Variants in SNX13 observed in about 807,000 individuals in gnomAD.
The protein encoded by SNX13 is sorting nexin-13.
In SNX13, 45 loss-of-function variants were observed where a neutral mutation model predicts 133.6. The observed-to-expected ratio is 0.34, with a 90% confidence interval of 0.27 to 0.43. The LOEUF (loss-of-function observed/expected upper bound fraction) is 0.43, where lower values mean the gene tolerates loss of function less well. Ranked by LOEUF, SNX13 falls within the 20% of genes least tolerant of loss-of-function variation. The probability of loss-of-function intolerance (pLI) is 1.00; values close to 1 mark genes in which losing one functional copy is unlikely to be tolerated. For missense variants in SNX13, 1,032 were observed against 1,145.1 expected (o/e 0.90, Z 1.43); for synonymous variants, 414 against 373.9 (o/e 1.11, Z -1.24).
At chr7:17,833,421 A>G (rs1194935982) in intron 15 of SNX13, among the ~76,000 whole-genome samples, 3 of 151,724 alleles carry the variant, frequency 2.0e-5, no homozygotes, top group African/African-American at 7.2e-5. Context: ...GGCTTGAAGA[A>G]TTTAAGCAGT....
At chr7:17,857,097 C>T (rs1437612938) in intron 9 of SNX13, among the ~76,000 whole-genome samples, 3 of 151,966 alleles carry the variant, frequency 2.0e-5, no homozygotes, top group South Asian at 2.1e-4. Flanking sequence ...TCATCAGAGA[C>T]CATTATAAAT....
chr7:17,801,011 TATA>T (rs1784554768), intron 22 of SNX13, among the ~76,000 whole-genome samples: 223 of 13,256 alleles, frequency 0.017, 14 homozygotes, highest in African/African-American at 0.023. Flanking sequence ...AAACTGAACA[TATA>T]TATATATATA....
intron 18 of SNX13, among the ~76,000 whole-genome samples, chr7:17,818,107 G>A (rs999550571): frequency 1.3e-5 from 2 of 152,092 alleles, no homozygotes; most frequent in Non-Finnish European, 2.9e-5. Context: ...GTAGGGACAT[G>A]GCAAGAACCC....
chr7:17,872,787 A>G (rs1224930680), intron 8 of SNX13, among the ~76,000 whole-genome samples: 2 of 152,204 alleles, frequency 1.3e-5, no homozygotes, highest in Non-Finnish European at 2.9e-5. Context: ...GGAAAATTCA[A>G]AACTTTTCAC....
chr7:17,805,242 T>TGCGCGC (rs1429340429), intron 20 of SNX13, among the ~76,000 whole-genome samples: 1 of 109,430 alleles, frequency 9.1e-6, no homozygotes, highest in Non-Finnish European at 2.1e-5. Context: ...TGTGTGTGTG[T>TGCGCGC]GTGTGTGTGC....
intron 13 of SNX13, among the ~76,000 whole-genome samples, chr7:17,836,072 C>T (rs991360195): frequency 7.9e-5 from 12 of 151,918 alleles, no homozygotes; most frequent in Admixed American, 2.0e-4. Flanking sequence ...TCATATTTTA[C>T]GTTTATTTAA....
chr7:17,795,992 GA>G (rs941313699), intron 25 of SNX13: 15 of 151,516 alleles, frequency 9.9e-5, no homozygotes, highest in African/African-American at 3.1e-4. Flanking sequence ...CAAAATTAGA[GA>G]AAAAAATTGG....
At chr7:17,903,461 C>T (rs1452875391) in intron 1 of SNX13, among the ~76,000 whole-genome samples, 2 of 152,164 alleles carry the variant, frequency 1.3e-5, no homozygotes, top group African/African-American at 4.8e-5. Context: ...TCAAAAACTA[C>T]AGACTTAGGA....
intron 1 of SNX13, among the ~76,000 whole-genome samples, chr7:17,934,865 C>A (rs1009506892): frequency 6.6e-6 from 1 of 151,758 alleles, no homozygotes; most frequent in African/African-American, 2.4e-5. Context: ...TGGCTATAAT[C>A]AAAAAAATGA....
intron 5 of SNX13, chr7:17,888,809 G>A: frequency 2.2e-6 from 1 of 458,316 alleles, no homozygotes; most frequent in Non-Finnish European, 4.5e-6. Flanking sequence ...CACAGAACAG[G>A]GCAGTTATTA....
At chr7:17,869,879 GACACAC>G (rs10569996) in intron 8 of SNX13, among the ~76,000 whole-genome samples, 5 of 149,394 alleles carry the variant, frequency 3.3e-5, no homozygotes, top group South Asian at 2.1e-4. Context: ...CACACACACA[GACACAC>G]ACACACACAC....
At chr7:17,882,216 A>G (rs912892132) in intron 5 of SNX13, 1 of 152,166 alleles carries the variant, frequency 6.6e-6, no homozygotes, top group Non-Finnish European at 1.5e-5. Context: ...GAGCTGGAGT[A>G]GGCAAACAAT....
At chr7:17,915,774 C>T (rs976648693) in intron 1 of SNX13, among the ~76,000 whole-genome samples, 1 of 152,158 alleles carries the variant, frequency 6.6e-6, no homozygotes, top group Non-Finnish European at 1.5e-5. Context: ...CCAAAAAATC[C>T]TTAAGTTAAT....
At chr7:17,802,123 C>A (rs1784710366) in intron 21 of SNX13, among the ~76,000 whole-genome samples, 2 of 151,914 alleles carry the variant, frequency 1.3e-5, no homozygotes, top group African/African-American at 4.8e-5. Flanking sequence ...CAGTAGCATA[C>A]TGTAAAGGTT....
At chr7:17,893,972 A>G (rs1235099033) in intron 2 of SNX13, among the ~76,000 whole-genome samples, 1 of 45,576 alleles carries the variant, frequency 2.2e-5, no homozygotes, top group Admixed American at 2.0e-4. Context: ...ACTGTCTCGA[A>G]AAAAAAAAAA....
intron 19 of SNX13, 117 bp from the exon 20 acceptor site, chr7:17,815,061 T>C (rs1422624253): frequency 5.2e-6 from 6 of 1,149,364 alleles, no homozygotes; most frequent in Non-Finnish European, 6.7e-6. Flanking sequence ...AAAATATTGA[T>C]TTATATTTTT....
chr7:17,841,693 A>G (rs1472224263), intron 12 of SNX13, among the ~76,000 whole-genome samples: 2 of 151,938 alleles, frequency 1.3e-5, no homozygotes, highest in Non-Finnish European at 1.5e-5. Context: ...ACCTGATGGA[A>G]TATCTACTAG....
intron 1 of SNX13, among the ~76,000 whole-genome samples, chr7:17,903,328 T>C (rs1798039287): frequency 6.6e-6 from 1 of 152,218 alleles, no homozygotes; most frequent in Non-Finnish European, 1.5e-5. Context: ...TATATATTTA[T>C]AATTTTCCCT....
At chr7:17,794,854 C>G (rs1783880544) in intron 25 of SNX13, 1 of 151,586 alleles carries the variant, frequency 6.6e-6, no homozygotes, top group African/African-American at 2.4e-5. Context: ...ACAAAAACCC[C>G]TGGCATAGTA....
Sources: allele counts gnomAD v4.1 joint callset (sites outside exome capture counted in the v4.1 genomes callset), GRCh38; gene constraint gnomAD v4.1.1; transcripts MANE v1.5; gene names NCBI Gene and HGNC (gene_info 2026-07-23, HGNC 2026-07-21).